Variants in TOP1 observed in about 807,000 individuals in gnomAD.
TOP1 encodes the protein DNA topoisomerase I.
A neutral mutation model predicts 111.1 loss-of-function variants in TOP1; 10 were observed. The ratio of observed to expected loss-of-function variants is 0.09; its 90% CI spans 0.06 to 0.15. The LOEUF is 0.15. Among genes scored for constraint, TOP1 ranks in the 10% least tolerant of loss-of-function variants. The probability of loss-of-function intolerance (pLI) is 1.00; values close to 1 mark genes in which losing one functional copy is unlikely to be tolerated. For missense variants in TOP1, 474 were observed against 926.7 expected, an observed-to-expected ratio of 0.51 and a Z score of 6.34; for synonymous variants, 271 against 302.9, an observed-to-expected ratio of 0.89 and a Z score of 1.10.
chr20:41,033,505 T>C (rs1048201483), intron 2 of TOP1, among the ~76,000 whole-genome samples: 31 of 152,056 alleles, frequency 2.0e-4, no homozygotes, highest in African/African-American at 7.2e-4. Flanking sequence ...GGCTGTGAGG[T>C]TTTTTTGTTT....
chr20:41,107,909 C>CA (rs2034173154), intron 13 of TOP1, among the ~76,000 whole-genome samples: 2 of 152,198 alleles, frequency 1.3e-5, no homozygotes, highest in African/African-American at 4.8e-5. Flanking sequence ...TCAAGTCCCC[C>CA]CTTCTTGCAT....
chr20:41,029,563 TC>T lies in TOP1; in HGVS notation c.58+111del. ...CAGACATGGCGTCCCAGAGACTAAG[TC>T]CCGGCTCCTCGCTCACCGGCCCCAT... On this transcript the variant is annotated intron_variant, in intron 2 of 20. Transcript: ENST00000361337. The surrounding 1 kb of genome is among the most constrained non-coding windows in gnomAD (Gnocchi z 6.1). 1.2e-6 allele frequency: 1 copy of T among 867,706 alleles called. No individual in the cohort carries two copies. Among genetic ancestry groups the T allele is most frequent in the Non-Finnish European group, 1.9e-6 (1 of 540,448 alleles). The allele number at this position is 867,706 out of a possible 1,614,324, so 53.8% of individuals were successfully genotyped here. A position where few individuals can be genotyped will look rare whatever the true frequency, so the allele number is the denominator to read the frequency against.
At chr20:41,031,888 T>A (rs1396710230) in intron 2 of TOP1, among the ~76,000 whole-genome samples, 4 of 152,248 alleles carry the variant, frequency 2.6e-5, no homozygotes, top group African/African-American at 9.6e-5. Context: ...GCTTTTTATC[T>A]AAACATGCTT....
chr20:41,079,534 T>C lies in TOP1; in HGVS notation c.336-551T>C, dbSNP rs1568687827. 6.6e-6 allele frequency among the ~76,000 whole-genome samples: 1 copy of C among 152,248 alleles called. No individual in the cohort carries two copies. Among genetic ancestry groups the C allele is most frequent in the Non-Finnish European group, 1.5e-5 (1 of 68,038 alleles). Reference sequence around the variant, plus strand: ...ATAGGATACCTTCTGTTTATTCTGGTTTAACACGTGCCCTACTTTTGTTGT... The same window carrying C: ...ATAGGATACCTTCTGTTTATTCTGGCTTAACACGTGCCCTACTTTTGTTGT... On this transcript the variant is annotated intron_variant, in intron 5 of 20. Coordinates refer to ENST00000361337, the MANE Select transcript of TOP1 (RefSeq NM_003286.4). The surrounding 1 kb of genome is among the most constrained non-coding windows in gnomAD (Gnocchi z 4.0).
In TOP1 at chr20:41,111,807, A is replaced by G. The variant is rs572635279; in HGVS notation, c.1309-975A>G. 2.6e-5 allele frequency among the ~76,000 whole-genome samples: 4 copies of G among 152,072 alleles called. No homozygotes were observed. In the South Asian group the frequency reaches 8.3e-4, roughly 32 times the overall value. On this transcript the variant is annotated intron_variant, in intron 13 of 20. Coordinates refer to ENST00000361337, the MANE Select transcript of TOP1 (RefSeq NM_003286.4). ...TCTTGGATTCTTAAATTCCTTCTCT[A>G]TGTTTATGTCATCTAGTCTGTTTTA...
Position 41,106,411 on chromosome 20 carries a change from C to T in TOP1, c.1308+5058C>T, listed in dbSNP as rs2034146301. ...AATTCTAATGAAAACTGTTGATAAA[C>T]TTGTTGATTAACAAATTCTAATAAA... On this transcript the variant is annotated intron_variant, in intron 13 of 20. Transcript: ENST00000361337. This position sits in a 1 kb window ranked among gnomAD's most constrained non-coding sequence, Gnocchi z 4.3. 3.3e-5 allele frequency among the ~76,000 whole-genome samples: 5 copies of T among 152,128 alleles called. No homozygotes were observed. The South Asian group carries it at 1.0e-3, about 31-fold the overall frequency.
intron 2 of TOP1, among the ~76,000 whole-genome samples, chr20:41,059,386 C>G (rs997509204): frequency 6.7e-6 from 1 of 149,458 alleles, no homozygotes; most frequent in African/African-American, 2.5e-5. Context: ...GAACACTGGC[C>G]CTTAACTCTG....
intron 3 of TOP1, among the ~76,000 whole-genome samples, chr20:41,064,471 T>G (rs1168059702): frequency 6.6e-6 from 1 of 152,238 alleles, no homozygotes; most frequent in Non-Finnish European, 1.5e-5. Flanking sequence ...CTCTTTCTAA[T>G]GCACAGTCAT....
chr20:41,075,015 CT>C (rs1400912030), intron 3 of TOP1, among the ~76,000 whole-genome samples: 1 of 152,116 alleles, frequency 6.6e-6, no homozygotes, highest in East Asian at 1.9e-4. Context: ...GTTTGTGGTA[CT>C]CAAATTATAG....
Position 41,069,485 on chromosome 20 carries a change from C to T in TOP1, c.156-6686C>T, listed in dbSNP as rs986081611. The stretch of plus-strand genomic sequence containing the variant: ...GCTGGGTTCTGTCATTTATAAGCTA[C>T]GTGTCGTGATCCAAGGTGCTTAACT... On this transcript the variant is annotated intron_variant, in intron 3 of 20. Coordinates refer to ENST00000361337, the MANE Select transcript of TOP1 (RefSeq NM_003286.4). This position sits in a 1 kb window ranked among gnomAD's most constrained non-coding sequence, Gnocchi z 4.1. 2.0e-5 allele frequency among the ~76,000 whole-genome samples: 3 copies of T among 152,158 alleles called. No individual in the cohort carries two copies. Among genetic ancestry groups the T allele is most frequent in the African/African-American group, 7.2e-5 (3 of 41,420 alleles).
In TOP1 at chr20:41,029,092, G is replaced by A. The variant is rs2122577385; in HGVS notation, c.25G>A (p.Asp9Asn). The change falls in exon 1 of 21, where the codon GAT becomes AAT. Residue 9 changes from aspartate (D) to asparagine (N), a missense_variant. By Grantham distance (23) the Asp-to-Asn change is conservative (BLOSUM62 1). Transcript: ENST00000361337. The surrounding 1 kb of genome is among the most constrained non-coding windows in gnomAD (Gnocchi z 6.1). Reference protein sequence around the residue: MSGDHLHNDSQIEADFRLN... With the variant: MSGDHLHNNSQIEADFRLN... ...CATGAGTGGGGACCACCTCCACAAC[G>A]ATTCCCAGGTACGGCCCGGCCTGAC... 6.5e-7 allele frequency: 1 copy of A among 1,533,396 alleles called. No homozygotes were observed. The highest frequency in any genetic ancestry group is 8.7e-7 in the Non-Finnish European group (1 of 1,143,484). The allele number at this position is 1,533,396 out of a possible 1,614,324, so 95.0% of individuals were successfully genotyped here. A position where few individuals can be genotyped will look rare whatever the true frequency, so the allele number is the denominator to read the frequency against.
At chr20:41,091,421 GT>G (rs1276912809) in intron 8 of TOP1, among the ~76,000 whole-genome samples, 2 of 152,030 alleles carry the variant, frequency 1.3e-5, no homozygotes, top group Non-Finnish European at 2.9e-5. Context: ...TGTGATAATA[GT>G]TTTGTGGTTA....
chr20:41,108,702 C>T (rs751444477), intron 13 of TOP1, among the ~76,000 whole-genome samples: 12 of 152,144 alleles, frequency 7.9e-5, no homozygotes, highest in Non-Finnish European at 1.3e-4. Flanking sequence ...GCCTGGTGCC[C>T]GTAGGATCTG....
intron 2 of TOP1, among the ~76,000 whole-genome samples, chr20:41,048,761 G>T (rs531529748): frequency 2.6e-5 from 4 of 152,328 alleles, no homozygotes; most frequent in Admixed American, 6.5e-5. Flanking sequence ...AAGACAGTTT[G>T]TCGGTCCTAT....
intron 3 of TOP1, chr20:41,072,191 ATAT>A (rs1568684928): frequency 5.2e-6 from 5 of 968,060 alleles, no homozygotes; most frequent in Non-Finnish European, 6.1e-6. Context: ...AACCTGGCTA[ATAT>A]TATAGCCTAC....
chr20:41,050,003 T>C (rs1367692498), intron 2 of TOP1, among the ~76,000 whole-genome samples: 1 of 152,108 alleles, frequency 6.6e-6, no homozygotes, highest in Non-Finnish European at 1.5e-5. Context: ...GTTACTAGTC[T>C]CTTCTCTCAT....
At chr20:41,072,676 G>T in intron 3 of TOP1, 10 of 985,416 alleles carry the variant, frequency 1.0e-5, no homozygotes, top group Non-Finnish European at 1.2e-5. Flanking sequence ...TGCCAGGTTG[G>T]GCTCCAGGCA....
chr20:41,039,647 G>A (rs1234848184), intron 2 of TOP1, among the ~76,000 whole-genome samples: 1 of 152,120 alleles, frequency 6.6e-6, no homozygotes, highest in Admixed American at 6.5e-5. Context: ...AATGGCTCAT[G>A]CCTGTAATTC....
chr20:41,073,570 T>C, intron 3 of TOP1: 1 of 753,002 alleles, frequency 1.3e-6, no homozygotes, highest in Non-Finnish European at 1.6e-6. Context: ...GCAGTAGGTA[T>C]CAATTTAGTG....
Sources: gnomAD v4.1 joint callset for allele counts (sites outside exome capture counted in the v4.1 genomes callset) on GRCh38, gnomAD v4.1.1 for gene constraint, Gnocchi (gnomAD v3.1) non-coding constraint, MANE v1.5 for transcripts, NCBI Gene and HGNC (gene_info 2026-07-23, HGNC 2026-07-21) for gene names.